BNC2: variants seen among roughly 807,000 people sequenced by gnomAD.
BNC2 encodes the protein zinc finger protein basonuclin-2.
Under a neutral mutation model 76.3 loss-of-function variants are expected in BNC2, and 20 were observed. That is an observed-to-expected ratio of 0.26 (90% CI 0.18 to 0.38). The LOEUF is 0.38. BNC2 is among the 10% of genes least tolerant of loss of function. The pLI is 1.00. For missense variants in BNC2, 1,382 were observed against 1,399.8 expected (o/e 0.99, Z 0.20); for synonymous variants, 582 against 514.8 (o/e 1.13, Z -1.77).
At chr9:16,613,197 A>G (rs1820600931) in intron 3 of BNC2, among the ~76,000 whole-genome samples, 1 of 152,174 alleles carries the variant, frequency 6.6e-6, no homozygotes, top group South Asian at 2.1e-4. Flanking sequence ...CAAGCATATG[A>G]CTAATTATTA....
Position 16,617,555 on chromosome 9 carries a change from C to T in BNC2, c.331-34470G>A, listed in dbSNP as rs549525553. Among the ~76,000 whole-genome samples the T allele has an allele frequency of 1.5e-4, 22 of 146,912 alleles. No homozygotes were observed. In the East Asian group the frequency reaches 3.8e-3, roughly 25 times the overall value. ...AAAAAAAAAAAAAAACCACGATTAT[C>T]TATAGGAGCTTCTATACAAGGCACA... On this transcript the variant is annotated intron_variant, in intron 3 of 6. Coordinates refer to ENST00000380672, the MANE Select transcript of BNC2 (RefSeq NM_017637.6).
At chr9:16,524,381 G>T (rs147925732) in intron 5 of BNC2, among the ~76,000 whole-genome samples, 1 of 152,142 alleles carries the variant, frequency 6.6e-6, no homozygotes, top group Non-Finnish European at 1.5e-5. Flanking sequence ...GTGGTAAGGA[G>T]ACGCCAGAGT....
intron 5 of BNC2, among the ~76,000 whole-genome samples, chr9:16,523,076 A>G (rs1817670676): frequency 6.6e-6 from 1 of 152,226 alleles, no homozygotes; most frequent in Non-Finnish European, 1.5e-5. Flanking sequence ...AACTGGTGAG[A>G]GAAAACACAG....
In BNC2 at chr9:16,778,388, G is replaced by C. The variant is rs567078208; in HGVS notation, c.4-39903C>G. Among the ~76,000 whole-genome samples the C allele has an allele frequency of 5.1e-4, 77 of 151,940 alleles. 2 individuals carry two copies. In the South Asian group the frequency reaches 0.013, roughly 26 times the overall value. On this transcript the variant is annotated intron_variant, in intron 1 of 6. Transcript: ENST00000380672. ...ATTCTGAAACAAAGACACAAACTTT[G>C]GAAGAAAAAACCCCCAAACTACCAA...
At chr9:16,611,622 T>TA (rs1446510721) in intron 3 of BNC2, among the ~76,000 whole-genome samples, 7 of 151,458 alleles carry the variant, frequency 4.6e-5, no homozygotes, top group African/African-American at 9.7e-5. Context: ...AAATTCAAGG[T>TA]AAAAAAAAGG....
chr9:16,656,764 T>C (rs140810573), intron 3 of BNC2, among the ~76,000 whole-genome samples: 2 of 152,210 alleles, frequency 1.3e-5, no homozygotes, highest in African/African-American at 2.4e-5. Flanking sequence ...GGCAATATGT[T>C]GTACAGCAGA....
At chr9:16,865,819 ATT>A (rs1819530566) in intron 1 of BNC2, among the ~76,000 whole-genome samples, 1 of 152,200 alleles carries the variant, frequency 6.6e-6, no homozygotes, top group Admixed American at 6.5e-5. Context: ...GTTCTTACGC[ATT>A]GAGTTAGAAT....
At chr9:16,504,966 C>T (rs567195916) in intron 5 of BNC2, among the ~76,000 whole-genome samples, 1 of 152,270 alleles carries the variant, frequency 6.6e-6, no homozygotes, top group South Asian at 2.1e-4. Flanking sequence ...ATTTCTTTAT[C>T]ATGTAGTAGG....
intron 3 of BNC2, among the ~76,000 whole-genome samples, chr9:16,614,883 G>A (rs1247594992): frequency 1.3e-5 from 2 of 150,564 alleles, no homozygotes; most frequent in South Asian, 2.1e-4. Flanking sequence ...TTGATCTCTG[G>A]AGGTCAAGGC....
intron 1 of BNC2, among the ~76,000 whole-genome samples, chr9:16,766,268 C>G (rs1051437203): frequency 2.6e-5 from 4 of 152,222 alleles, no homozygotes; most frequent in African/African-American, 7.2e-5. Flanking sequence ...CCATCCATCA[C>G]TGTTTCCTTT....
intron 5 of BNC2, among the ~76,000 whole-genome samples, chr9:16,457,860 CT>C (rs1344395606): frequency 6.6e-6 from 1 of 152,096 alleles, no homozygotes; most frequent in Non-Finnish European, 1.5e-5. Flanking sequence ...CCTGCTAACC[CT>C]TTTTTCCACA....
chr9:16,617,114 T>TGCATTCA (rs1820727364), intron 3 of BNC2, among the ~76,000 whole-genome samples: 1 of 152,130 alleles, frequency 6.6e-6, no homozygotes, highest in African/African-American at 2.4e-5. Context: ...AACACAGAAA[T>TGCATTCA]TGATATGGGG....
At chr9:16,672,256 G>A (rs1822498997) in intron 3 of BNC2, among the ~76,000 whole-genome samples, 1 of 152,184 alleles carries the variant, frequency 6.6e-6, no homozygotes, top group Non-Finnish European at 1.5e-5. Flanking sequence ...CCAGCACTTT[G>A]GGAGGCCGAG....
chr9:16,835,578 T>G (rs1465052083), intron 1 of BNC2, among the ~76,000 whole-genome samples: 1 of 151,984 alleles, frequency 6.6e-6, no homozygotes, highest in African/African-American at 2.4e-5. Flanking sequence ...GCACATGCCT[T>G]TAGTCCCAGC....
At chr9:16,813,688 T>C (rs1818113722) in intron 1 of BNC2, among the ~76,000 whole-genome samples, 1 of 152,256 alleles carries the variant, frequency 6.6e-6, no homozygotes, top group Admixed American at 6.5e-5. Flanking sequence ...TGATTCATTA[T>C]AAATACAAAT....
chr9:16,776,099 C>G (rs952007644), intron 1 of BNC2, among the ~76,000 whole-genome samples: 2 of 152,148 alleles, frequency 1.3e-5, no homozygotes, highest in African/African-American at 4.8e-5. Context: ...ACCTACCCCT[C>G]AAGTTTATAA....
intron 1 of BNC2, among the ~76,000 whole-genome samples, chr9:16,768,029 A>G (rs374559035): frequency 6.6e-6 from 1 of 151,136 alleles, no homozygotes; most frequent in African/African-American, 2.4e-5. Context: ...GAAGTGGCAC[A>G]ATCTTGGCTC....
chr9:16,829,993 A>C (rs1818544623), intron 1 of BNC2, among the ~76,000 whole-genome samples: 1 of 152,220 alleles, frequency 6.6e-6, no homozygotes, highest in Non-Finnish European at 1.5e-5. Flanking sequence ...GGCCTTACTT[A>C]AGTTTTAGAG....
intron 1 of BNC2, among the ~76,000 whole-genome samples, chr9:16,818,020 G>T (rs543656320): frequency 6.6e-6 from 1 of 152,072 alleles, no homozygotes; most frequent in Non-Finnish European, 1.5e-5. Context: ...GGCAGGACTG[G>T]GGAAGAGGCT....
Sources: allele counts gnomAD v4.1 joint callset (sites outside exome capture counted in the v4.1 genomes callset), GRCh38; gene constraint gnomAD v4.1.1; transcripts MANE v1.5; gene names NCBI Gene and HGNC (gene_info 2026-07-23, HGNC 2026-07-21).